PPARG: variants seen among roughly 807,000 people sequenced by gnomAD.
The protein encoded by PPARG is peroxisome proliferator activated receptor gamma, also known as peroxisome proliferator-activated receptor gamma.
A neutral mutation model predicts 39.2 loss-of-function variants in PPARG; 17 were observed. The observed-to-expected ratio is 0.43, with a 90% CI of 0.30 to 0.65. The LOEUF is 0.65. Ranked by LOEUF, PPARG falls within the 30% of genes least tolerant of loss-of-function variation. The pLI, the probability that PPARG is intolerant of heterozygous loss-of-function variation, is 0.13. For synonymous variants in PPARG, 223 were observed against 215.7 expected (o/e 1.03, Z -0.30); for missense variants, 406 against 585.9 (o/e 0.69, Z 3.17).
At chr3:12,400,236 C>A (rs571460885) in intron 5 of PPARG, among the ~76,000 whole-genome samples, 1 of 152,158 alleles carries the variant, frequency 6.6e-6, no homozygotes, top group Non-Finnish European at 1.5e-5. Context: ...CTTTAATTAA[C>A]CTTAGTAATT....
chr3:12,365,908 C>A (rs2049001299), intron 2 of PPARG, among the ~76,000 whole-genome samples: 1 of 152,106 alleles, frequency 6.6e-6, no homozygotes, highest in Admixed American at 6.6e-5. Context: ...TCCATATAAA[C>A]TGCAGAACCA....
intron 1 of PPARG, among the ~76,000 whole-genome samples, chr3:12,304,309 T>C (rs1375578492): frequency 6.6e-6 from 1 of 152,224 alleles, no homozygotes; most frequent in Admixed American, 6.5e-5. Flanking sequence ...AAATAACTTT[T>C]ATTATTCAAC....
chr3:12,392,490 A>T, intron 4 of PPARG, 124 bp from the exon 5 acceptor site: 1 of 1,050,596 alleles, frequency 9.5e-7, no homozygotes, highest in Non-Finnish European at 1.4e-6. Flanking sequence ...TAAAGTCACC[A>T]GTGACAGAAT....
chr3:12,321,016 GTTAA>G (rs976335278), intron 2 of PPARG, among the ~76,000 whole-genome samples: 5 of 152,172 alleles, frequency 3.3e-5, no homozygotes, highest in African/African-American at 1.2e-4. Context: ...CCTTCATTGT[GTTAA>G]TTAATTCAGT....
chr3:12,358,782 A>G (rs2048744987), intron 2 of PPARG, among the ~76,000 whole-genome samples: 3 of 152,222 alleles, frequency 2.0e-5, no homozygotes, highest in Non-Finnish European at 4.4e-5. Flanking sequence ...ATTACCCAAG[A>G]TATGTAAACA....
At chr3:12,416,062 C>T (rs2051045951) in intron 6 of PPARG, among the ~76,000 whole-genome samples, 1 of 152,144 alleles carries the variant, frequency 6.6e-6, no homozygotes, top group African/African-American at 2.4e-5. Flanking sequence ...CCAAGATAAA[C>T]AGTAGATTTT....
At chr3:12,350,330 G>C (rs1246634728) in intron 2 of PPARG, among the ~76,000 whole-genome samples, 1 of 152,148 alleles carries the variant, frequency 6.6e-6, no homozygotes, top group Non-Finnish European at 1.5e-5. Context: ...TTCAGACCCA[G>C]CCAGCATTTC....
At chr3:12,336,497 A>G (rs1487022312) in intron 2 of PPARG, among the ~76,000 whole-genome samples, 4 of 152,228 alleles carry the variant, frequency 2.6e-5, no homozygotes, top group Non-Finnish European at 5.9e-5. Flanking sequence ...AAACATTTAC[A>G]TTATTCTTGA....
intron 5 of PPARG, chr3:12,399,512 A>G (rs2125235089): frequency 2.5e-6 from 1 of 401,944 alleles, no homozygotes; most frequent in African/African-American, 2.1e-5. Flanking sequence ...CCTTGAACCC[A>G]GGTGTTCAAG....
intron 6 of PPARG, among the ~76,000 whole-genome samples, chr3:12,409,031 C>G (rs911563697): frequency 4.6e-5 from 7 of 152,166 alleles, no homozygotes; most frequent in Non-Finnish European, 7.4e-5. Flanking sequence ...AAGGAGAGGG[C>G]TGCGAAATGC....
At chr3:12,288,764 C>G (rs1244804516), upstream of PPARG, 1 of 152,174 alleles carries the variant, frequency 6.6e-6, no homozygotes, top group African/African-American at 2.4e-5. Context: ...TGGGTGCCTC[C>G]GTGCCTCCGC....
chr3:12,421,228 AC>A (rs2051249292), intron 7 of PPARG, among the ~76,000 whole-genome samples: 1 of 152,188 alleles, frequency 6.6e-6, no homozygotes, highest in Admixed American at 6.5e-5. Flanking sequence ...GGTGGCTGCA[AC>A]CTGTTCTCTA....
chr3:12,316,652 C>T (rs1038642296), intron 2 of PPARG, among the ~76,000 whole-genome samples: 1 of 151,342 alleles, frequency 6.6e-6, no homozygotes, highest in Non-Finnish European at 1.5e-5. Flanking sequence ...AGTTATATTC[C>T]ACTTCATTGC....
intron 2 of PPARG, among the ~76,000 whole-genome samples, chr3:12,364,133 A>C (rs2125125936): frequency 6.6e-6 from 1 of 152,310 alleles, no homozygotes; most frequent in East Asian, 1.9e-4. Context: ...GTACAAATGT[A>C]TAAGGACACA....
chr3:12,392,835 T>C, intron 5 of PPARG, 83 bp downstream of exon 5: 1 of 1,537,138 alleles, frequency 6.5e-7, no homozygotes, highest in Non-Finnish European at 9.0e-7. Flanking sequence ...TTGCCAAAAA[T>C]GTGTACAGTT....
At chr3:12,358,929 A>G (rs1335595169) in intron 2 of PPARG, among the ~76,000 whole-genome samples, 2 of 152,210 alleles carry the variant, frequency 1.3e-5, no homozygotes, top group Admixed American at 1.3e-4. Context: ...TGACAGGGAC[A>G]TGTACCTTTT....
At chr3:12,389,182 A>G (rs1474112262) in intron 4 of PPARG, among the ~76,000 whole-genome samples, 2 of 152,178 alleles carry the variant, frequency 1.3e-5, no homozygotes, top group African/African-American at 2.4e-5. Context: ...CAGTGTAATT[A>G]TATATTTTCA....
rs1286658316 is a variant in PPARG, at chr3:12,343,066, C to T, written c.-9+30613C>T. Among the ~76,000 whole-genome samples the T allele has an allele frequency of 3.3e-5, 5 of 152,152 alleles. 1 individual carries two copies. Among genetic ancestry groups the T allele is most frequent in the Non-Finnish European group, 5.9e-5 (4 of 68,024 alleles). ...ACGTACAGTATTATTTAATGATGTG[C>T]ACACAGAACTCTGCCAGCCTGAAAC... On this transcript the variant is annotated intron_variant, in intron 2 of 7. Coordinates refer to ENST00000651735, the MANE Select transcript of PPARG (RefSeq NM_138711.6).
intron 5 of PPARG, among the ~76,000 whole-genome samples, chr3:12,393,093 G>A (rs1054327530): frequency 3.3e-5 from 5 of 151,406 alleles, no homozygotes; most frequent in Non-Finnish European, 7.4e-5. Flanking sequence ...ATTTACTTTT[G>A]TGTATCAGTA....
Sources: allele counts gnomAD v4.1 joint callset (sites outside exome capture counted in the v4.1 genomes callset), GRCh38; gene constraint gnomAD v4.1.1; transcripts MANE v1.5; gene names NCBI Gene and HGNC (gene_info 2026-07-23, HGNC 2026-07-21).